The following TPCN2 variants were observed in gnomAD, a reference collection of about 807,000 sequenced individuals.
TPCN2 encodes two pore channel protein 2.
A neutral mutation model predicts 111.4 loss-of-function variants in TPCN2; 92 were observed. The observed-to-expected ratio is 0.83, with a 90% CI of 0.70 to 0.98. TPCN2 has a LOEUF of 0.98. Ranked by LOEUF, TPCN2 falls within the 50% of genes least tolerant of loss-of-function variation. TPCN2 has a pLI of 0.00. For missense variants in TPCN2, 995 were observed against 980.1 expected (o/e 1.02, Z -0.20); for synonymous variants, 405 against 414.5 (o/e 0.98, Z 0.28).
intron 6 of TPCN2, among the ~76,000 whole-genome samples, chr11:69,063,352 C>G (rs1855110435): frequency 6.6e-6 from 1 of 152,072 alleles, no homozygotes; most frequent in South Asian, 2.1e-4. Context: ...TGTCGGCACG[C>G]TGCCAGCCTA....
intron 7 of TPCN2, among the ~76,000 whole-genome samples, chr11:69,066,623 C>T (rs752040100): frequency 6.6e-6 from 1 of 152,220 alleles, no homozygotes; most frequent in African/African-American, 2.4e-5. Context: ...TCACAGGTGC[C>T]TCCATGCCAG....
chr11:69,054,858 G>C (rs1399150963), intron 3 of TPCN2, 61 bp downstream of exon 3: 1 of 1,545,566 alleles, frequency 6.5e-7, no homozygotes, highest in Admixed American at 1.8e-5. Context: ...GGGGAGGCTG[G>C]CCCCCACCTG....
chr11:69,062,164 TA>T (rs1473839128), intron 5 of TPCN2, among the ~76,000 whole-genome samples: 8 of 151,910 alleles, frequency 5.3e-5, no homozygotes, highest in Non-Finnish European at 1.2e-4. Flanking sequence ...AGACTCCTTT[TA>T]AAAACCAGAT....
At chr11:69,062,396 A>G (rs1855062256) in intron 5 of TPCN2, among the ~76,000 whole-genome samples, 1 of 148,578 alleles carries the variant, frequency 6.7e-6, no homozygotes, top group Admixed American at 6.7e-5. Context: ...GGGGGTGTGG[A>G]GGTGGGGCTC....
chr11:69,079,038 G>C lies in TPCN2; in HGVS notation c.1539+18G>C. 1 of 1,597,900 alleles carries C rather than the reference G, an allele frequency of 6.3e-7. No individual in the cohort carries two copies. Among genetic ancestry groups the C allele is most frequent in the South Asian group, 1.1e-5 (1 of 88,292 alleles). ...TCCTGCTGGTAAAGTAGGCGCATCC[G>C]AGGCCGGCCTCTACTGGGCGGGTGG... On this transcript the variant is annotated intron_variant, in intron 16 of 24. Transcript: ENST00000294309.
At chr11:69,056,524 CTTTTA>C (rs1854776587) in intron 4 of TPCN2, among the ~76,000 whole-genome samples, 1 of 152,096 alleles carries the variant, frequency 6.6e-6, no homozygotes, top group Admixed American at 6.5e-5. Flanking sequence ...TGGGGGCTGT[CTTTTA>C]TTTTATTTTA....
intron 1 of TPCN2, 60 bp from the exon 2 acceptor site, chr11:69,053,973 C>T (rs2134515820): frequency 1.4e-6 from 2 of 1,433,162 alleles, no homozygotes; most frequent in Non-Finnish European, 2.0e-6. Context: ...TCACGGGTAT[C>T]CTGGAGGGTG....
At chr11:69,079,108 C>T in intron 16 of TPCN2, 88 bp downstream of exon 16, 1 of 1,487,630 alleles carries the variant, frequency 6.7e-7, no homozygotes, top group Non-Finnish European at 9.0e-7. Flanking sequence ...CAGGCCTCCC[C>T]TGAGGACTAG....
chr11:69,088,856 G>C lies in TPCN2; in HGVS notation c.*903G>C, dbSNP rs1264565167. 6.6e-6 allele frequency: 1 copy of C among 152,154 alleles called. No homozygotes were observed. Among genetic ancestry groups the C allele is most frequent in the African/African-American group, 2.4e-5 (1 of 41,402 alleles). 9.4% of individuals were successfully genotyped at this position (152,154 alleles called of 1,614,324 possible). On this transcript the variant is annotated 3_prime_UTR_variant, in exon 25 of 25. Transcript: ENST00000294309. ...AGGGGCCAACCCACGCCCCCTTTCT[G>C]CTGAGGTTTGGGTGCCATCTAGTGG...
intron 1 of TPCN2, among the ~76,000 whole-genome samples, chr11:69,052,211 G>A (rs1290539740): frequency 6.6e-6 from 1 of 152,096 alleles, no homozygotes; most frequent in Non-Finnish European, 1.5e-5. Flanking sequence ...TCGGCCGCTT[G>A]TCTCTTGTCT....
chr11:69,064,804 T>C (rs1855191228), intron 7 of TPCN2, among the ~76,000 whole-genome samples: 2 of 152,220 alleles, frequency 1.3e-5, no homozygotes, highest in Admixed American at 6.5e-5. Flanking sequence ...TGGCTCTGCA[T>C]GTGTGTGTGG....
chr11:69,062,796 T>C lies in TPCN2; in HGVS notation c.547-88T>C. 5 of 1,271,160 alleles carry C rather than the reference T, an allele frequency of 3.9e-6. No individual in the cohort carries two copies. In the South Asian group the frequency reaches 6.2e-5, roughly 16 times the overall value. 78.7% of individuals were successfully genotyped at this position (1,271,160 alleles called of 1,614,324 possible). On this transcript the variant is annotated intron_variant, in intron 5 of 24. Transcript: ENST00000294309. Reference sequence around the variant, plus strand: ...TGGAGTGGCCCCCAGGGCACTGGGGTCTCTGAACCGTGTGCCCATCTGGGA... The same window carrying C: ...TGGAGTGGCCCCCAGGGCACTGGGGCCTCTGAACCGTGTGCCCATCTGGGA...
chr11:69,065,977 AGAG>A (rs1201754414), intron 7 of TPCN2, among the ~76,000 whole-genome samples: 1 of 151,680 alleles, frequency 6.6e-6, no homozygotes, highest in Non-Finnish European at 1.5e-5. Flanking sequence ...GCTGAATTGT[AGAG>A]GAGGAGCGTG....
intron 4 of TPCN2, 144 bp downstream of exon 4, chr11:69,055,496 C>A: frequency 1.1e-6 from 1 of 876,232 alleles, no homozygotes; most frequent in South Asian, 1.8e-5. Context: ...GGCACACTTT[C>A]TTGGACAAGC....
rs754540009 is a variant in TPCN2 at position 69,076,798 on chromosome 11, C to G, written c.1231-1684C>G. Among the ~76,000 whole-genome samples the G allele has an allele frequency of 6.7e-3, 657 of 98,178 alleles. 108 individuals are homozygous for G. The highest frequency in any genetic ancestry group is 9.0e-3 in the Non-Finnish European group (418 of 46,622). The allele number at this position is 98,178 out of a possible 152,430, so 64.4% of individuals were successfully genotyped here. A position where few individuals can be genotyped will look rare whatever the true frequency, so the allele number is the denominator to read the frequency against. On this transcript the variant is annotated intron_variant, in intron 13 of 24. Transcript: ENST00000294309. ...CTGCCGTGTCCCTCCACCTGCCCTC[C>G]TGCCATGTCCCTCCACCTGCCCTCC... is the stretch of plus-strand genomic sequence containing the variant.
intron 5 of TPCN2, among the ~76,000 whole-genome samples, chr11:69,060,770 T>C (rs10750837): frequency 0.46 from 70,533 of 152,016 alleles, 16,771 homozygotes; most frequent in Non-Finnish European, 0.52. Context: ...CCCAGCAGCA[T>C]CTTCAGCACC....
At chr11:69,056,433 G>A (rs1035970206) in intron 4 of TPCN2, among the ~76,000 whole-genome samples, 3 of 152,258 alleles carry the variant, frequency 2.0e-5, no homozygotes, top group African/African-American at 7.2e-5. Context: ...GCAAGAGGTT[G>A]TCATTAGCGT....
In TPCN2 at chr11:69,078,696, C is replaced by G; in HGVS notation, c.1351-38C>G. 6.2e-7 allele frequency: 1 copy of G among 1,613,522 alleles called. No homozygotes were observed. The highest frequency in any genetic ancestry group is 1.3e-5 in the African/African-American group (1 of 75,072). On this transcript the variant is annotated intron_variant, in intron 14 of 24. Transcript: ENST00000294309. ...CCCTCCTGCCTCGCCCAGCGCTGTGCTGGGCCAGCCGGCGAGCCCTCTGTT... is the reference window on the plus strand; with the variant it reads ...CCCTCCTGCCTCGCCCAGCGCTGTGGTGGGCCAGCCGGCGAGCCCTCTGTT...
chr11:69,055,987 G>A (rs1020329441), intron 4 of TPCN2, among the ~76,000 whole-genome samples: 1 of 152,232 alleles, frequency 6.6e-6, no homozygotes, highest in Non-Finnish European at 1.5e-5. Flanking sequence ...TGTGACGCAC[G>A]TCCTCCCACA....
Sources: allele counts gnomAD v4.1 joint callset (sites outside exome capture counted in the v4.1 genomes callset), GRCh38; gene constraint gnomAD v4.1.1; transcripts MANE v1.5; gene names NCBI Gene and HGNC (gene_info 2026-07-23, HGNC 2026-07-21).